Variants in HK2 observed in about 807,000 individuals in gnomAD.
HK2 encodes hexokinase-2.
In HK2, 42 loss-of-function variants were observed where a neutral mutation model predicts 92.9. The observed-to-expected ratio is 0.45, with a 90% confidence interval of 0.35 to 0.58. The LOEUF is 0.58. Ranked by LOEUF, HK2 falls within the 20% of genes least tolerant of loss-of-function variation. The pLI is 0.00. For synonymous variants in HK2, 422 were observed against 468.0 expected (o/e 0.90, Z 1.27); for missense variants, 978 against 1,245.1 (o/e 0.79, Z 3.23).
At chr2:74,835,224 C>G (rs1458593910) in intron 1 of HK2, 1 of 172,502 alleles carries the variant, frequency 5.8e-6, no homozygotes, top group Non-Finnish European at 1.2e-5. Context: ...CGCCCCCTCC[C>G]CGGAACTGTG....
intron 3 of HK2, among the ~76,000 whole-genome samples, chr2:74,870,249 A>G (rs1307865241): frequency 1.3e-5 from 2 of 152,114 alleles, no homozygotes; most frequent in Admixed American, 1.3e-4. Flanking sequence ...ACCTCAAGTG[A>G]TCTGCCCGTC....
chr2:74,868,884 C>T (rs1689027204), intron 3 of HK2, among the ~76,000 whole-genome samples: 1 of 152,218 alleles, frequency 6.6e-6, no homozygotes, highest in South Asian at 2.1e-4. Context: ...TTGCTTGTAT[C>T]CTGACAACAT....
chr2:74,891,203 T>G lies in HK2; in HGVS notation c.*262T>G, dbSNP rs943. On this transcript the variant is annotated 3_prime_UTR_variant, in exon 18 of 18. Transcript: ENST00000290573. Reference sequence around the variant, plus strand: ...ATTGGTTCTCCTAAAACATGAAAATTATCTCCCTTAGTAATCCCCCTTGCC... The same window carrying G: ...ATTGGTTCTCCTAAAACATGAAAATGATCTCCCTTAGTAATCCCCCTTGCC... The G allele has an allele frequency of 0.6, 298,859 of 496,848 alleles. 90,622 individuals carry two copies. The highest frequency in any genetic ancestry group is 0.74 in the Middle Eastern group (1,325 of 1,780). 30.8% of individuals were successfully genotyped at this position (496,848 alleles called of 1,614,324 possible). A position where few individuals can be genotyped will look rare whatever the true frequency, so the allele number is the denominator to read the frequency against.
chr2:74,870,220 T>C (rs377424321), intron 3 of HK2, among the ~76,000 whole-genome samples: 46 of 152,168 alleles, frequency 3.0e-4, no homozygotes, highest in African/African-American at 1.1e-3. Flanking sequence ...TGAATCACCA[T>C]GTTGGCTTTG....
chr2:74,859,530 C>CA (rs1272498955), intron 2 of HK2, among the ~76,000 whole-genome samples: 2 of 152,002 alleles, frequency 1.3e-5, no homozygotes, highest in Non-Finnish European at 2.9e-5. Context: ...ACTAAAAATA[C>CA]AAAAAATTAG....
At chr2:74,866,354 A>G (rs1558796772) in intron 2 of HK2, among the ~76,000 whole-genome samples, 2 of 152,132 alleles carry the variant, frequency 1.3e-5, no homozygotes, top group Non-Finnish European at 2.9e-5. Flanking sequence ...CCAATAAGTG[A>G]ACCCCCCAGG....
At chr2:74,847,769 T>C (rs1310400663) in intron 1 of HK2, among the ~76,000 whole-genome samples, 1 of 152,210 alleles carries the variant, frequency 6.6e-6, no homozygotes, top group Non-Finnish European at 1.5e-5. Flanking sequence ...GGATAGTTAG[T>C]TCTCTTTGAG....
chr2:74,873,207 G>T (rs989396125), intron 4 of HK2, 69 bp from the exon 5 acceptor site: 5 of 1,135,278 alleles, frequency 4.4e-6, no homozygotes, highest in Admixed American at 1.7e-5. Flanking sequence ...AATGACGGAG[G>T]TTTGAGGGGT....
chr2:74,879,546 G>A (rs1689328142), intron 9 of HK2, among the ~76,000 whole-genome samples: 1 of 152,176 alleles, frequency 6.6e-6, no homozygotes, highest in African/African-American at 2.4e-5. Flanking sequence ...AAAAACTCGA[G>A]TGTGCACGTG....
At chr2:74,876,015 T>C (rs1209428290) in intron 7 of HK2, among the ~76,000 whole-genome samples, 1 of 152,210 alleles carries the variant, frequency 6.6e-6, no homozygotes, top group Admixed American at 6.5e-5. Flanking sequence ...AACAAAGTGT[T>C]TTTAAAAACT....
In HK2 at chr2:74,878,801, C is replaced by T; in HGVS notation, c.1145C>T (p.Ser382Phe). 6.4e-7 allele frequency: 1 copy of T among 1,561,896 alleles called. No individual in the cohort carries two copies. Among genetic ancestry groups the T allele is most frequent in the Non-Finnish European group, 8.7e-7 (1 of 1,153,680 alleles). Residue 382 changes from serine (S) to phenylalanine (F), a missense_variant, in exon 9 of 18, where the codon TCC becomes TTC. Physicochemically the swap from Ser to Phe is radical, Grantham distance 155. Around this residue, in one of 3 missense-constraint regions of HK2, gnomAD observed 742 missense variants for 922.5 expected, o/e 0.80. Coordinates refer to ENST00000290573, the MANE Select transcript of HK2 (RefSeq NM_000189.5). ...HRICQIVSTR[S>F]ASLCAATLAA... The stretch of plus-strand genomic sequence containing the variant: ...ATCTGCCAGATCGTGTCCACACGCT[C>T]CGCCAGCCTGTGCGCAGCCACCCTG...
chr2:74,890,128 A>G (rs1443886723), intron 17 of HK2, among the ~76,000 whole-genome samples: 1 of 152,132 alleles, frequency 6.6e-6, no homozygotes, highest in Non-Finnish European at 1.5e-5. Context: ...TATTGTACAT[A>G]TAGTTTCATG....
intron 1 of HK2, among the ~76,000 whole-genome samples, chr2:74,844,327 C>G (rs1688385335): frequency 6.6e-6 from 1 of 152,144 alleles, no homozygotes; most frequent in African/African-American, 2.4e-5. Flanking sequence ...ACAGTTTGTG[C>G]AGCATGAACT....
chr2:74,861,427 A>G (rs376350758), intron 2 of HK2, among the ~76,000 whole-genome samples: 1 of 152,124 alleles, frequency 6.6e-6, no homozygotes, highest in Non-Finnish European at 1.5e-5. Context: ...AAAAAAAAAA[A>G]AGGGAATGCA....
intron 8 of HK2, among the ~76,000 whole-genome samples, chr2:74,878,404 C>T (rs189192969): frequency 0.023 from 3,057 of 131,326 alleles, 109 homozygotes; most frequent in African/African-American, 0.092. Flanking sequence ...TTCTCAACTC[C>T]GTGTGTCTCT....
intron 3 of HK2, among the ~76,000 whole-genome samples, chr2:74,870,789 G>C (rs1031892499): frequency 6.6e-6 from 1 of 152,152 alleles, no homozygotes; most frequent in South Asian, 2.1e-4. Flanking sequence ...CATGGCAAGA[G>C]AGCCTTGTCC....
intron 2 of HK2, among the ~76,000 whole-genome samples, chr2:74,859,309 C>T (rs915220248): frequency 2.6e-5 from 4 of 152,120 alleles, no homozygotes; most frequent in Admixed American, 2.0e-4. Context: ...TACATAGTAA[C>T]TAGAGTTCAA....
At chr2:74,878,980 ACTCCTCATGCCAG>A in intron 9 of HK2, 59 bp downstream of exon 9, 2 of 1,359,846 alleles carry the variant, frequency 1.5e-6, no homozygotes, top group South Asian at 2.5e-5. Flanking sequence ...GGGCTGAGTG[ACTCCTCATGCCAG>A]CTCCATTTTG....
chr2:74,840,988 A>T (rs919597755), intron 1 of HK2, among the ~76,000 whole-genome samples: 4 of 151,324 alleles, frequency 2.6e-5, no homozygotes, highest in African/African-American at 9.7e-5. Flanking sequence ...ATCACACACC[A>T]TGCTTCCTTG....
Sources: gnomAD v4.1 joint callset for allele counts (sites outside exome capture counted in the v4.1 genomes callset) on GRCh38, gnomAD v4.1.1 for gene constraint, gnomAD v4.1.1 regional missense constraint, MANE v1.5 for transcripts, NCBI Gene and HGNC (gene_info 2026-07-23, HGNC 2026-07-21) for gene names.